The following KIF24 variants were observed in gnomAD, a reference collection of about 807,000 sequenced individuals.
KIF24 encodes kinesin family member 24.
Under a neutral mutation model 118.9 loss-of-function variants are expected in KIF24, and 81 were observed. The observed-to-expected ratio is 0.68, with a 90% CI of 0.57 to 0.82. The LOEUF (loss-of-function observed/expected upper bound fraction) is 0.82. Among genes scored for constraint, KIF24 ranks in the 40% least tolerant of loss-of-function variants. The pLI, the probability that KIF24 is intolerant of heterozygous loss-of-function variation, is 0.00. For missense variants in KIF24, 1,560 were observed against 1,661.6 expected, an observed-to-expected ratio of 0.94 and a Z score of 1.06; for synonymous variants, 599 against 610.0, an observed-to-expected ratio of 0.98 and a Z score of 0.27.
chr9:34,331,851 C>G (rs537440469), upstream of KIF24, among the ~76,000 whole-genome samples: 1 of 152,302 alleles, frequency 6.6e-6, no homozygotes, highest in South Asian at 2.1e-4. Flanking sequence ...CCTCCTCCAC[C>G]CAGGCACTCA....
chr9:34,283,220 A>C (rs1286110509), intron 6 of KIF24, among the ~76,000 whole-genome samples: 1 of 151,896 alleles, frequency 6.6e-6, no homozygotes, highest in Non-Finnish European at 1.5e-5. Context: ...TGCCAAAAAA[A>C]TTAGCCGGGT....
At chr9:34,268,707 C>T (rs138826684) in intron 8 of KIF24, among the ~76,000 whole-genome samples, 2,392 of 152,026 alleles carry the variant, frequency 0.016, 76 homozygotes, top group African/African-American at 0.055. Context: ...AGAGTTTCAC[C>T]ATGTTGGCCA....
chr9:34,304,553 C>A (rs1169137366), intron 3 of KIF24, among the ~76,000 whole-genome samples: 1 of 152,062 alleles, frequency 6.6e-6, no homozygotes, highest in Non-Finnish European at 1.5e-5. Context: ...CTATAAGTAG[C>A]CATGGAACTA....
intron 6 of KIF24, among the ~76,000 whole-genome samples, chr9:34,275,015 G>A (rs1398883298): frequency 2.6e-5 from 4 of 152,200 alleles, no homozygotes; most frequent in African/African-American, 4.8e-5. Flanking sequence ...TAGTGGGGAT[G>A]TAGGGGTGGT....
At chr9:34,296,266 C>T (rs1836472321) in intron 4 of KIF24, among the ~76,000 whole-genome samples, 1 of 146,158 alleles carries the variant, frequency 6.8e-6, no homozygotes, top group Non-Finnish European at 1.5e-5. Flanking sequence ...GTGGCTCACG[C>T]CTGTAATCCC....
chr9:34,257,461 G>A lies in KIF24; in HGVS notation c.2146C>T (p.Leu716Phe). Residue 716 changes from leucine to phenylalanine, a missense_variant, in exon 11 of 13, where the codon CTT becomes TTT. By Grantham distance (22) the Leu-to-Phe change is conservative (BLOSUM62 0). Around this residue, in one of 3 missense-constraint regions of KIF24, gnomAD observed 964 missense variants for 988.0 expected, o/e 0.98. Coordinates refer to ENST00000402558, the MANE Select transcript of KIF24 (RefSeq NM_194313.4). The stretch of plus-strand genomic sequence containing the variant: ...AAGGAGAGCTCAACTCGAGACACAA[G>A]CTGCTTCTGTACTGGCTGCACTGTC... ...VQTVQPVQKQ[L>F]VSRVELSFGN... 1.2e-6 allele frequency: 2 copies of A among 1,614,068 alleles called. No individual in the cohort carries two copies. Among genetic ancestry groups the A allele is most frequent in the Non-Finnish European group, 1.7e-6 (2 of 1,179,904 alleles).
Position 34,256,489 on chromosome 9 carries a change from T to C in KIF24, c.3118A>G (p.Thr1040Ala). Reference sequence around the variant, plus strand: ...AGTCCAGAAGCATATTCAGCATGCGTGCCTAACTGCCCCCTAGGATCCTCT... The same window carrying C: ...AGTCCAGAAGCATATTCAGCATGCGCGCCTAACTGCCCCCTAGGATCCTCT... ...PGEDPRGQLG[T>A]HAEYASGLMS... is the part of the protein sequence containing the mutation. Residue 1040 changes from threonine (T) to alanine (A), a missense_variant, in exon 11 of 13, where the codon ACG becomes GCG. Coordinates refer to ENST00000402558, the MANE Select transcript of KIF24 (RefSeq NM_194313.4). 6.2e-7 allele frequency: 1 copy of C among 1,613,832 alleles called. No individual in the cohort carries two copies. The highest frequency in any genetic ancestry group is 1.7e-5 in the Admixed American group (1 of 60,016).
Position 34,263,136 on chromosome 9 carries a change from T to C in KIF24, c.1480A>G (p.Thr494Ala). 6.2e-7 allele frequency: 1 copy of C among 1,613,490 alleles called. No individual in the cohort carries two copies. The highest frequency in any genetic ancestry group is 8.5e-7 in the Non-Finnish European group (1 of 1,179,698). Residue 494 changes from threonine to alanine, a missense_variant, in exon 9 of 13, where the codon ACC (threonine) becomes GCC (alanine). This residue lies in a region of KIF24 where 964 missense variants were observed against 988.0 expected (regional missense o/e 0.98). Transcript: ENST00000402558. Reference protein sequence around the residue: ...ECIRALDQEHTHTPFRQSKLT... With the variant: ...ECIRALDQEHAHTPFRQSKLT... ...TTGCTTTGCCTGAAGGGAGTATGGG[T>C]GTGTTCCTGATCCAGTGCTCGGATA...
intron 6 of KIF24, among the ~76,000 whole-genome samples, chr9:34,285,078 G>A (rs1344589984): frequency 6.6e-6 from 1 of 152,134 alleles, no homozygotes; most frequent in Non-Finnish European, 1.5e-5. Flanking sequence ...GGGAACAGGG[G>A]AAGTGGGGTA....
upstream of KIF24, chr9:34,329,491 T>A (rs573639422): frequency 6.6e-6 from 1 of 152,258 alleles, no homozygotes; most frequent in African/African-American, 2.4e-5. Flanking sequence ...GGGTCGAAGA[T>A]CCTTCTGCCG....
Position 34,255,850 on chromosome 9 carries a change from A to G in KIF24, c.3757T>C (p.Trp1253Arg), listed in dbSNP as rs751272104. 6 of 1,614,044 alleles carry G rather than the reference A, an allele frequency of 3.7e-6. No individual in the cohort carries two copies. The Admixed American group carries it at 1.0e-4, about 27-fold the overall frequency. ...KLPCNSENVT[W>R]LKPRPISRCL... ...CTTGAGATCGGCCTGGGTTTGAGCCATGTGACATTTTCACTGTTGCAGGGC... is the reference window on the plus strand; with the variant it reads ...CTTGAGATCGGCCTGGGTTTGAGCCGTGTGACATTTTCACTGTTGCAGGGC... Residue 1253 changes from tryptophan to arginine, a missense_variant, in exon 11 of 13, where the codon TGG becomes CGG. By Grantham distance (101) the Trp-to-Arg change is moderately radical (BLOSUM62 -3). Transcript: ENST00000402558.
intron 1 of KIF24, among the ~76,000 whole-genome samples, chr9:34,325,646 T>C (rs1837649958): frequency 7.1e-6 from 1 of 141,426 alleles, no homozygotes; most frequent in African/African-American, 2.6e-5. Flanking sequence ...GAGCCAAGAT[T>C]GCGCCACTGC....
Position 34,310,901 on chromosome 9 carries a change from G to T in KIF24, c.446C>A (p.Thr149Lys). 6.2e-7 allele frequency: 1 copy of T among 1,613,840 alleles called. No individual in the cohort carries two copies. Among genetic ancestry groups the T allele is most frequent in the South Asian group, 1.1e-5 (1 of 91,062 alleles). The change falls in exon 2 of 13, where the codon ACA becomes AAA. Residue 149 changes from threonine (T) to lysine (K), a missense_variant. Physicochemically the swap from Thr to Lys is moderately conservative, Grantham distance 78. This residue lies in a region of KIF24 where 964 missense variants were observed against 988.0 expected (regional missense o/e 0.98). Coordinates refer to ENST00000402558, the MANE Select transcript of KIF24 (RefSeq NM_194313.4). ...HMLPDDSQYH[T>K]KTGILNATAG... Reference sequence around the variant, plus strand: ...TGTGGCATTCAGAATTCCTGTTTTTGTATGGTACTGGGAATCATCTGGTAG... The same window carrying T: ...TGTGGCATTCAGAATTCCTGTTTTTTTATGGTACTGGGAATCATCTGGTAG...
At chr9:34,271,071 G>A (rs898206398) in intron 7 of KIF24, among the ~76,000 whole-genome samples, 2 of 151,980 alleles carry the variant, frequency 1.3e-5, no homozygotes, top group African/African-American at 2.4e-5. Flanking sequence ...CTCCAGCCTG[G>A]GTGACAGAGT....
At chr9:34,321,432 T>C (rs974019285) in intron 1 of KIF24, among the ~76,000 whole-genome samples, 3 of 152,112 alleles carry the variant, frequency 2.0e-5, no homozygotes, top group Admixed American at 1.3e-4. Context: ...TATACAGGCA[T>C]TGACAGTAAA....
intron 4 of KIF24, 82 bp from the exon 5 acceptor site, chr9:34,290,471 A>G (rs535928880): frequency 1.2e-6 from 1 of 815,680 alleles, no homozygotes; most frequent in East Asian, 2.6e-5. Context: ...ACAAAGGTCA[A>G]ATGTAAACAT....
Position 34,256,635 on chromosome 9 carries a change from T to C in KIF24, c.2972A>G (p.His991Arg), listed in dbSNP as rs1834857140. ...GTCTGGGGATCCAGGAACTGCAACG[T>C]GGGACAATGAGATAGTGAAACCATC... Reference protein sequence around the residue: ...EEDGFTISLSHVAVPGSPDQR... With the variant: ...EEDGFTISLSRVAVPGSPDQR... Residue 991 changes from histidine (H) to arginine (R), a missense_variant, in exon 11 of 13, where the codon CAC (histidine) becomes CGC (arginine). His to Arg is a conservative substitution (Grantham distance 29, BLOSUM62 0). Coordinates refer to ENST00000402558, the MANE Select transcript of KIF24 (RefSeq NM_194313.4). The C allele has an allele frequency of 6.2e-7, 1 of 1,613,864 alleles. No individual in the cohort carries two copies. The highest frequency in any genetic ancestry group is 8.5e-7 in the Non-Finnish European group (1 of 1,179,910).
intron 4 of KIF24, among the ~76,000 whole-genome samples, chr9:34,293,570 C>A (rs1207793007): frequency 6.6e-6 from 1 of 151,354 alleles, no homozygotes; most frequent in South Asian, 2.1e-4. Flanking sequence ...GTCAGGAGAT[C>A]GAGACCATCC....
intron 6 of KIF24, among the ~76,000 whole-genome samples, chr9:34,285,205 T>C (rs571910571): frequency 5.4e-4 from 83 of 152,314 alleles, no homozygotes; most frequent in African/African-American, 1.9e-3. Flanking sequence ...AAGAAGCAGA[T>C]TGAAAAATTC....
Sources: allele counts gnomAD v4.1 joint callset (sites outside exome capture counted in the v4.1 genomes callset), GRCh38; gene constraint gnomAD v4.1.1; regional missense constraint gnomAD v4.1.1; transcripts MANE v1.5; gene names NCBI Gene and HGNC (gene_info 2026-07-23, HGNC 2026-07-21).